Variants in HDAC9 observed in about 807,000 individuals in gnomAD.
HDAC9 encodes the protein MEF-2 interacting transcription repressor (MITR) protein.
A neutral mutation model predicts 139.4 loss-of-function variants in HDAC9; 41 were observed. The observed-to-expected ratio is 0.29, with a 90% CI of 0.23 to 0.38. The LOEUF is 0.38. HDAC9 is among the 10% of genes least tolerant of loss of function. The probability of loss-of-function intolerance (pLI) is 1.00; values close to 1 mark genes in which losing one functional copy is unlikely to be tolerated. For synonymous variants in HDAC9, 517 were observed against 476.2 expected (o/e 1.09, Z -1.12); for missense variants, 1,147 against 1,297.0 (o/e 0.88, Z 1.78).
chr7:18,145,059 G>A (rs1417304586), intron 1 of HDAC9, among the ~76,000 whole-genome samples: 1 of 152,166 alleles, frequency 6.6e-6, no homozygotes, highest in African/African-American at 2.4e-5. Flanking sequence ...ACAATTTATG[G>A]ACAACACTTA....
chr7:18,477,858 G>T (rs1795238672), intron 1 of HDAC9, among the ~76,000 whole-genome samples: 1 of 152,014 alleles, frequency 6.6e-6, no homozygotes, highest in Non-Finnish European at 1.5e-5. Flanking sequence ...TGCCAATGGT[G>T]TATTTATTAA....
In HDAC9 at chr7:18,946,745, G is replaced by A. The variant is rs569274268; in HGVS notation, c.2938-7401G>A. On this transcript the variant is annotated intron_variant, in intron 23 of 25. Transcript: ENST00000686413. ...TTTTAGTACACGTCTCTCAGTAACT[G>A]ATAAACCATGAAGAAAATAAAAGTG... 3.9e-5 allele frequency among the ~76,000 whole-genome samples: 6 copies of A among 152,150 alleles called. No homozygotes were observed. The East Asian group carries it at 1.2e-3, about 29-fold the overall frequency.
At chr7:18,802,501 T>G (rs1338674418) in intron 17 of HDAC9, among the ~76,000 whole-genome samples, 4 of 151,950 alleles carry the variant, frequency 2.6e-5, no homozygotes. Context: ...GTGTAATATT[T>G]TATATGTCCA....
chr7:18,871,531 A>C (rs920658768), intron 21 of HDAC9, among the ~76,000 whole-genome samples: 4 of 152,210 alleles, frequency 2.6e-5, no homozygotes, highest in Non-Finnish European at 5.9e-5. Context: ...GTTCGTATGT[A>C]TCTTCCTATA....
intron 12 of HDAC9, among the ~76,000 whole-genome samples, chr7:18,726,515 A>G (rs907202461): frequency 3.3e-5 from 5 of 152,172 alleles, no homozygotes; most frequent in Non-Finnish European, 7.3e-5. Context: ...CTTTGGTAAC[A>G]TTTGGAGCAA....
intron 1 of HDAC9, among the ~76,000 whole-genome samples, chr7:18,314,063 T>A (rs1242845739): frequency 6.6e-6 from 1 of 152,176 alleles, no homozygotes; most frequent in African/African-American, 2.4e-5. Context: ...AGATTATTCT[T>A]TTTACTATCC....
intron 13 of HDAC9, among the ~76,000 whole-genome samples, chr7:18,733,254 T>C (rs899870169): frequency 3.5e-4 from 52 of 147,002 alleles, no homozygotes; most frequent in Middle Eastern, 3.7e-3. Flanking sequence ...TATATGTATA[T>C]AATGTATATA....
intron 1 of HDAC9, among the ~76,000 whole-genome samples, chr7:18,466,308 T>A (rs1033892873): frequency 1.2e-4 from 19 of 152,180 alleles, no homozygotes; most frequent in Non-Finnish European, 2.4e-4. Flanking sequence ...GCCATCCTCC[T>A]GCCTCAGTCT....
intron 1 of HDAC9, among the ~76,000 whole-genome samples, chr7:18,128,120 G>C (rs1165691176): frequency 6.6e-6 from 1 of 152,068 alleles, no homozygotes; most frequent in East Asian, 1.9e-4. Flanking sequence ...ACGCTTCTCA[G>C]TGAAGCTAAT....
chr7:18,902,182 T>C (rs974899176), intron 22 of HDAC9, among the ~76,000 whole-genome samples: 5 of 152,218 alleles, frequency 3.3e-5, no homozygotes, highest in Non-Finnish European at 7.3e-5. Flanking sequence ...TCTGCCCTGC[T>C]TGGGAACATG....
intron 13 of HDAC9, among the ~76,000 whole-genome samples, chr7:18,739,479 A>C (rs1787241476): frequency 6.6e-6 from 1 of 152,134 alleles, no homozygotes; most frequent in Non-Finnish European, 1.5e-5. Flanking sequence ...TGTTGATGCT[A>C]TTCCTTTCTG....
intron 1 of HDAC9, among the ~76,000 whole-genome samples, chr7:18,400,370 T>TGACA (rs1459802620): frequency 6.6e-6 from 1 of 152,114 alleles, no homozygotes; most frequent in Non-Finnish European, 1.5e-5. Context: ...GGAGAGTGAT[T>TGACA]GACAGGGAAG....
chr7:18,179,285 A>C (rs951783794), intron 2 of HDAC9, among the ~76,000 whole-genome samples: 3 of 152,182 alleles, frequency 2.0e-5, no homozygotes, highest in African/African-American at 7.2e-5. Context: ...CACTAACAAT[A>C]ATGCCATAAC....
At chr7:18,726,146 T>G (rs1214936587) in intron 12 of HDAC9, among the ~76,000 whole-genome samples, 1 of 152,244 alleles carries the variant, frequency 6.6e-6, no homozygotes, top group African/African-American at 2.4e-5. Context: ...ATATGCAGCA[T>G]TAACTCATAT....
chr7:18,714,573 G>A lies in HDAC9; in HGVS notation c.1732-13007G>A, dbSNP rs566814645. Reference sequence around the variant, plus strand: ...GCACCTGCTCTGTGGCATTTACCAGGTGCCCTGTCACGAGAGTGACTTTCC... The same window carrying A: ...GCACCTGCTCTGTGGCATTTACCAGATGCCCTGTCACGAGAGTGACTTTCC... On this transcript the variant is annotated intron_variant, in intron 12 of 25. Transcript: ENST00000686413. Among the ~76,000 whole-genome samples the A allele has an allele frequency of 9.8e-5, 15 of 152,304 alleles. No homozygotes were observed. The South Asian group carries it at 1.7e-3, about 17-fold the overall frequency.
chr7:18,762,307 C>G (rs1436551934), intron 15 of HDAC9, 30 bp downstream of exon 15: 2 of 1,606,124 alleles, frequency 1.2e-6, no homozygotes, highest in Admixed American at 3.4e-5. Context: ...GTACTGGGAA[C>G]AGCACATTCC....
At position 18,727,677 on chromosome 7, in the gene HDAC9, C is replaced by G; in HGVS notation, c.1829C>G (p.Ser610Cys). The G allele has an allele frequency of 6.3e-7, 1 of 1,589,876 alleles. No individual in the cohort carries two copies. Among genetic ancestry groups the G allele is most frequent in the African/African-American group, 1.4e-5 (1 of 73,300 alleles). ...GGATTAGAGAAACACCGTCTCGTCT[C>G]CAGGACTCACTCTTCCCCTGCTGCC... ...MDGLEKHRLV[S>C]RTHSSPAASV... Residue 610 changes from serine to cysteine, a missense_variant, in exon 13 of 26, where the codon TCC (serine) becomes TGC (cysteine). Coordinates refer to ENST00000686413, the MANE Select transcript of HDAC9 (RefSeq NM_178425.4).
chr7:18,545,432 G>T (rs559226355), intron 2 of HDAC9, among the ~76,000 whole-genome samples: 6 of 152,284 alleles, frequency 3.9e-5, no homozygotes, highest in African/African-American at 1.4e-4. Flanking sequence ...ACCAGAAGTT[G>T]TTGAGTTTTT....
At chr7:18,539,076 C>T (rs1194531930) in intron 2 of HDAC9, among the ~76,000 whole-genome samples, 1 of 152,120 alleles carries the variant, frequency 6.6e-6, no homozygotes, top group Non-Finnish European at 1.5e-5. Context: ...AAAAGCCCCA[C>T]CTCCAAATGC....
Sources: gnomAD v4.1 joint callset for allele counts (sites outside exome capture counted in the v4.1 genomes callset) on GRCh38, gnomAD v4.1.1 for gene constraint, MANE v1.5 for transcripts, NCBI Gene and HGNC (gene_info 2026-07-23, HGNC 2026-07-21) for gene names.